The following OSBPL1A variants were observed in gnomAD, a reference collection of about 807,000 sequenced individuals.
OSBPL1A encodes the protein oxysterol binding protein like 1A, also known as oxysterol-binding protein-related protein 1.
Under a neutral mutation model 137.1 loss-of-function variants are expected in OSBPL1A, and 80 were observed. The ratio of observed to expected loss-of-function variants is 0.58; its 90% CI spans 0.49 to 0.70. The LOEUF is 0.70. Ranked by LOEUF, OSBPL1A falls within the 30% of genes least tolerant of loss-of-function variation. The probability of loss-of-function intolerance (pLI) is 0.00; values close to 1 mark genes in which losing one functional copy is unlikely to be tolerated. For missense variants in OSBPL1A, 970 were observed against 1,129.4 expected (o/e 0.86, Z 2.02); for synonymous variants, 365 against 389.7 (o/e 0.94, Z 0.75).
intron 17 of OSBPL1A, among the ~76,000 whole-genome samples, chr18:24,224,600 T>A (rs1281835435): frequency 6.6e-6 from 1 of 152,232 alleles, no homozygotes; most frequent in African/African-American, 2.4e-5. Context: ...ATAAAAGTCT[T>A]TGTTTAAATT....
intron 25 of OSBPL1A, 141 bp from the exon 26 acceptor site, chr18:24,166,843 G>GT (rs1160282499): frequency 1.2e-6 from 1 of 843,458 alleles, no homozygotes; most frequent in East Asian, 2.8e-5. Flanking sequence ...CAGATCACAC[G>GT]TATCTAAATG....
chr18:24,230,856 C>T (rs771672743), intron 16 of OSBPL1A, among the ~76,000 whole-genome samples: 4 of 152,110 alleles, frequency 2.6e-5, no homozygotes, highest in South Asian at 2.1e-4. Context: ...TGAGTAATGA[C>T]GGGAAATGGA....
chr18:24,251,579 T>C (rs1001703964), intron 15 of OSBPL1A, among the ~76,000 whole-genome samples: 1 of 152,150 alleles, frequency 6.6e-6, no homozygotes, highest in African/African-American at 2.4e-5. Context: ...TTCGAATACC[T>C]GGAAAGCCTT....
At chr18:24,381,876 G>A (rs970045119) in intron 1 of OSBPL1A, among the ~76,000 whole-genome samples, 4 of 151,764 alleles carry the variant, frequency 2.6e-5, no homozygotes, top group Middle Eastern at 3.4e-3. Flanking sequence ...CAGGAGAATC[G>A]CTTGAACCCG....
intron 17 of OSBPL1A, among the ~76,000 whole-genome samples, chr18:24,217,787 C>T (rs2087755431): frequency 6.6e-6 from 1 of 152,088 alleles, no homozygotes; most frequent in African/African-American, 2.4e-5. Context: ...AGAGCAAATG[C>T]TCTCTGATTG....
At chr18:24,258,128 A>G (rs1424550831) in intron 15 of OSBPL1A, among the ~76,000 whole-genome samples, 1 of 152,198 alleles carries the variant, frequency 6.6e-6, no homozygotes, top group African/African-American at 2.4e-5. Context: ...TATATTCCCA[A>G]AAAAAGGAAA....
At chr18:24,297,670 T>C (rs374834620) in intron 14 of OSBPL1A, among the ~76,000 whole-genome samples, 173 of 152,360 alleles carry the variant, frequency 1.1e-3, no homozygotes, top group African/African-American at 3.9e-3. Flanking sequence ...ATAAACATAT[T>C]ATTTAATTTC....
chr18:24,202,762 G>C (rs2087257668), intron 17 of OSBPL1A, among the ~76,000 whole-genome samples: 1 of 151,970 alleles, frequency 6.6e-6, no homozygotes, highest in Non-Finnish European at 1.5e-5. Context: ...CAAGAAAAAA[G>C]CAATTCATTA....
intron 7 of OSBPL1A, among the ~76,000 whole-genome samples, chr18:24,327,890 G>A (rs557347688): frequency 6.6e-6 from 1 of 150,894 alleles, no homozygotes; most frequent in East Asian, 1.9e-4. Flanking sequence ...TTTCCATTTA[G>A]ACTGGTATTT....
Position 24,196,073 on chromosome 18 carries a change from T to C in OSBPL1A, c.1677+52A>G, listed in dbSNP as rs778289694. Reference sequence around the variant, plus strand: ...AACTTTTAGGTTCCTTTCTAAAGAATATGCGATTAAACATATCTGCTTAAT... The same window carrying C: ...AACTTTTAGGTTCCTTTCTAAAGAACATGCGATTAAACATATCTGCTTAAT... On this transcript the variant is annotated intron_variant, in intron 18 of 27. Coordinates refer to ENST00000319481, the MANE Select transcript of OSBPL1A (RefSeq NM_080597.4). 4 of 1,393,280 alleles carry C rather than the reference T, an allele frequency of 2.9e-6. No individual in the cohort carries two copies. In the Admixed American group the frequency reaches 5.2e-5, roughly 18 times the overall value. The allele number at this position is 1,393,280 out of a possible 1,614,324, so 86.3% of individuals were successfully genotyped here.
chr18:24,279,972 G>C (rs930254825), intron 15 of OSBPL1A, among the ~76,000 whole-genome samples: 3 of 151,656 alleles, frequency 2.0e-5, no homozygotes, highest in African/African-American at 7.3e-5. Flanking sequence ...TTTTGAGACA[G>C]AGTCTACTCC....
At chr18:24,215,148 T>C (rs12604798) in intron 17 of OSBPL1A, among the ~76,000 whole-genome samples, 51,176 of 152,190 alleles carry the variant, frequency 0.34, 9,715 homozygotes, top group Middle Eastern at 0.51. Context: ...TGGATTGCTC[T>C]GAGCATAGTA....
At chr18:24,321,691 C>T in intron 7 of OSBPL1A, 1 of 524,668 alleles carries the variant, frequency 1.9e-6, no homozygotes, top group Non-Finnish European at 3.9e-6. Flanking sequence ...CAGGCCTTCT[C>T]TTTCCAGTTC....
chr18:24,190,128 C>A (rs961426865), intron 18 of OSBPL1A, among the ~76,000 whole-genome samples: 2 of 152,086 alleles, frequency 1.3e-5, no homozygotes, highest in African/African-American at 4.8e-5. Flanking sequence ...TAGGGGACTT[C>A]ATAAAGGCTG....
At chr18:24,276,681 G>A (rs2089852064) in intron 15 of OSBPL1A, among the ~76,000 whole-genome samples, 1 of 151,936 alleles carries the variant, frequency 6.6e-6, no homozygotes, top group African/African-American at 2.4e-5. Flanking sequence ...CTGACCTCAG[G>A]TGATCCACCC....
In OSBPL1A at chr18:24,179,749, A is replaced by G. The variant is rs763956773; in HGVS notation, c.1899T>C (p.Tyr633=). The change falls in exon 20 of 28, where the codon TAT becomes TAC. Residue 633 remains tyrosine (Y), a synonymous_variant. Transcript: ENST00000319481. ...GTGAAAGGCCTCACCGCACTAATTC[A>G]TAAGTCTCTCCCAGCAGTGGGTTGA... is the stretch of plus-strand genomic sequence containing the variant. The part of the protein sequence containing the change: ...KPFNPLLGET[Y]ELVRDDLGFR... 3 of 1,614,102 alleles carry G rather than the reference A, an allele frequency of 1.9e-6. No homozygotes were observed. In the South Asian group the frequency reaches 3.3e-5, roughly 18 times the overall value.
At chr18:24,223,997 G>A (rs2087979953) in intron 17 of OSBPL1A, among the ~76,000 whole-genome samples, 1 of 152,176 alleles carries the variant, frequency 6.6e-6, no homozygotes, top group Admixed American at 6.5e-5. Flanking sequence ...AGTAACTACA[G>A]AGGGAATCGG....
At chr18:24,205,277 T>C (rs1300157856) in intron 17 of OSBPL1A, among the ~76,000 whole-genome samples, 2 of 152,226 alleles carry the variant, frequency 1.3e-5, no homozygotes, top group Non-Finnish European at 2.9e-5. Flanking sequence ...CCTCGGTTTT[T>C]CTTAGAAAAT....
chr18:24,249,313 T>C (rs769213965), intron 15 of OSBPL1A, among the ~76,000 whole-genome samples: 4 of 152,158 alleles, frequency 2.6e-5, no homozygotes, highest in Non-Finnish European at 4.4e-5. Context: ...TTCAAAAGGG[T>C]TTTATGTATC....
Sources: gnomAD v4.1 joint callset for allele counts (sites outside exome capture counted in the v4.1 genomes callset) on GRCh38, gnomAD v4.1.1 for gene constraint, MANE v1.5 for transcripts, NCBI Gene and HGNC (gene_info 2026-07-23, HGNC 2026-07-21) for gene names.